Variants in ATP6V0A2 observed in about 807,000 individuals in gnomAD.
ATP6V0A2 encodes V-type proton ATPase 116 kDa subunit a 2.
A neutral mutation model predicts 104.4 loss-of-function variants in ATP6V0A2; 58 were observed. The observed-to-expected ratio is 0.56, with a 90% CI of 0.45 to 0.69. ATP6V0A2 has a LOEUF of 0.69. Ranked by LOEUF, ATP6V0A2 falls within the 30% of genes least tolerant of loss-of-function variation. The pLI is 0.00. For missense variants in ATP6V0A2, 938 were observed against 1,062.9 expected (o/e 0.88, Z 1.63); for synonymous variants, 376 against 397.9 (o/e 0.95, Z 0.65).
At chr12:123,719,672 G>T (rs796210825) in intron 2 of ATP6V0A2, among the ~76,000 whole-genome samples, 1 of 151,906 alleles carries the variant, frequency 6.6e-6, no homozygotes, top group Non-Finnish European at 1.5e-5. Context: ...TTCCCCCAAA[G>T]CTCTCCGTGC....
intron 6 of ATP6V0A2, chr12:123,730,859 A>C (rs1593896700): frequency 6.6e-6 from 1 of 152,278 alleles, no homozygotes; most frequent in East Asian, 1.9e-4. Flanking sequence ...GGTGCACACC[A>C]CCACTCCTGG....
At position 123,761,711 on chromosome 12, in the gene ATP6V0A2, A is replaced by C. The variant is rs1265223788; in HGVS notation, c.*3679A>C. 1 of 152,190 alleles carries C rather than the reference A, an allele frequency of 6.6e-6. No homozygotes were observed. The highest frequency in any genetic ancestry group is 1.5e-5 in the Non-Finnish European group (1 of 68,040). The allele number at this position is 152,190 out of a possible 1,614,324, so 9.4% of individuals were successfully genotyped here. A position where few individuals can be genotyped will look rare whatever the true frequency, so the allele number is the denominator to read the frequency against. On this transcript the variant is annotated 3_prime_UTR_variant, in exon 20 of 20. Transcript: ENST00000330342. ...AAATTTGCATCTTCTATCAGTATTT[A>C]ACTTCCTTTTGCTAATGACAAATAA... is the stretch of plus-strand genomic sequence containing the variant.
chr12:123,728,810 T>C (rs1452260875), intron 6 of ATP6V0A2, among the ~76,000 whole-genome samples: 2 of 151,282 alleles, frequency 1.3e-5, no homozygotes, highest in African/African-American at 4.9e-5. Context: ...CTTGATTAGT[T>C]CCATTACTGG....
chr12:123,731,791 C>G (rs1349684022), intron 6 of ATP6V0A2: 1 of 152,276 alleles, frequency 6.6e-6, no homozygotes, highest in African/African-American at 2.4e-5. Context: ...TGTATTCATT[C>G]TCCCAGCCAC....
At chr12:123,747,773 A>G in intron 14 of ATP6V0A2, 48 bp downstream of exon 14, 1 of 1,275,400 alleles carries the variant, frequency 7.8e-7, no homozygotes. Context: ...CAAACTTGGC[A>G]TTTCTTCAAT....
rs1956368424 is a variant in ATP6V0A2, at chr12:123,718,717, G to C, written c.196+16G>C. 6.3e-7 allele frequency: 1 copy of C among 1,579,728 alleles called. No individual in the cohort carries two copies. The highest frequency in any genetic ancestry group is 1.3e-5 in the African/African-American group (1 of 74,212). On this transcript the variant is annotated intron_variant, in intron 2 of 19. Coordinates refer to ENST00000330342, the MANE Select transcript of ATP6V0A2 (RefSeq NM_012463.4). Reference sequence around the variant, plus strand: ...CGAATATTGGGTAAGTTTATTTTCTGATTTAACAACTTAAATAATTACCTT... The same window carrying C: ...CGAATATTGGGTAAGTTTATTTTCTCATTTAACAACTTAAATAATTACCTT...
intron 3 of ATP6V0A2, chr12:123,723,651 G>A (rs887458515): frequency 5.9e-5 from 9 of 151,668 alleles, no homozygotes; most frequent in Non-Finnish European, 1.3e-4. Flanking sequence ...AGTAGAGATG[G>A]GGTTTTACCA....
intron 1 of ATP6V0A2, among the ~76,000 whole-genome samples, chr12:123,714,173 G>A (rs1956318999): frequency 6.6e-6 from 1 of 152,238 alleles, no homozygotes; most frequent in Non-Finnish European, 1.5e-5. Flanking sequence ...ACAGGTTTGA[G>A]CAAACGTACT....
rs1242956097 is a variant in ATP6V0A2 at position 123,760,974 on chromosome 12, T to C, written c.*2942T>C. ...TAGGCTGAAGTGCAGTGGTGCAGTCTCGGCTCACTGCAACCTCTGCCTCCT... is the reference window on the plus strand; with the variant it reads ...TAGGCTGAAGTGCAGTGGTGCAGTCCCGGCTCACTGCAACCTCTGCCTCCT... On this transcript the variant is annotated 3_prime_UTR_variant, in exon 20 of 20. Transcript: ENST00000330342. The C allele has an allele frequency of 6.6e-6, 1 of 152,272 alleles. No homozygotes were observed. The highest frequency in any genetic ancestry group is 1.9e-4 in the East Asian group (1 of 5,204). 9.4% of individuals were successfully genotyped at this position (152,272 alleles called of 1,614,324 possible). A position where few individuals can be genotyped will look rare whatever the true frequency, so the allele number is the denominator to read the frequency against.
At chr12:123,738,420 A>G (rs1191652965) in intron 9 of ATP6V0A2, among the ~76,000 whole-genome samples, 1 of 151,714 alleles carries the variant, frequency 6.6e-6, no homozygotes, top group African/African-American at 2.4e-5. Flanking sequence ...AGCGTTTTCA[A>G]TTTTCTTTTT....
rs1956823710 is a variant in ATP6V0A2, at chr12:123,761,479, A to G, written c.*3447A>G. 6.6e-6 allele frequency: 1 copy of G among 152,256 alleles called. No individual in the cohort carries two copies. The highest frequency in any genetic ancestry group is 6.5e-5 in the Admixed American group (1 of 15,280). 9.4% of individuals were successfully genotyped at this position (152,256 alleles called of 1,614,324 possible). ...TGGGAATAAGGCAGTTTGAACGAAC[A>G]GTCTTCCCACAGTCAGGCCATTTTT... On this transcript the variant is annotated 3_prime_UTR_variant, in exon 20 of 20. Coordinates refer to ENST00000330342, the MANE Select transcript of ATP6V0A2 (RefSeq NM_012463.4).
intron 2 of ATP6V0A2, among the ~76,000 whole-genome samples, chr12:123,721,910 T>C (rs1333971307): frequency 1.3e-5 from 2 of 152,226 alleles, no homozygotes; most frequent in Non-Finnish European, 2.9e-5. Context: ...CCAGCTCCCA[T>C]AGGGGCTATT....
At chr12:123,752,258 G>A in intron 16 of ATP6V0A2, 25 bp from the exon 17 acceptor site, 2 of 1,613,972 alleles carry the variant, frequency 1.2e-6, no homozygotes, top group Non-Finnish European at 1.7e-6. Context: ...TACAGGCACT[G>A]ACTCTGTGCT....
chr12:123,742,698 G>A (rs1170443384), intron 9 of ATP6V0A2, among the ~76,000 whole-genome samples: 3 of 151,978 alleles, frequency 2.0e-5, no homozygotes, highest in Admixed American at 6.6e-5. Flanking sequence ...CTAACCAGGC[G>A]TGGTGGTGTG....
chr12:123,736,367 T>C (rs1219142495), intron 8 of ATP6V0A2, among the ~76,000 whole-genome samples: 1 of 151,902 alleles, frequency 6.6e-6, no homozygotes, highest in African/African-American at 2.4e-5. Flanking sequence ...AATTTTTTTG[T>C]ATTTTTAGTA....
At chr12:123,719,658 A>G (rs1216532991) in intron 2 of ATP6V0A2, among the ~76,000 whole-genome samples, 2 of 151,748 alleles carry the variant, frequency 1.3e-5, no homozygotes, top group East Asian at 1.9e-4. Context: ...GGTACTGCCA[A>G]CACTTCCCCC....
At chr12:123,718,352 A>T (rs1234910366) in intron 1 of ATP6V0A2, among the ~76,000 whole-genome samples, 1 of 151,984 alleles carries the variant, frequency 6.6e-6, no homozygotes, top group Non-Finnish European at 1.5e-5. Context: ...ATCCTCCCAA[A>T]GTGCTGGGAT....
In ATP6V0A2 at chr12:123,719,066, C is replaced by T. The variant is rs200982466; in HGVS notation, c.196+365C>T. On this transcript the variant is annotated intron_variant, in intron 2 of 19. Coordinates refer to ENST00000330342, the MANE Select transcript of ATP6V0A2 (RefSeq NM_012463.4). ...ATTAATGTGCTGTGGCTTATTTAAC[C>T]GATCCCTTGTAGTTTATTATAACTT... Among the ~76,000 whole-genome samples the T allele has an allele frequency of 3.4e-4, 52 of 152,190 alleles. 2 individuals are homozygous for T. The South Asian group carries it at 7.7e-3, about 22-fold the overall frequency.
chr12:123,716,737 G>C (rs1956343435), intron 1 of ATP6V0A2, among the ~76,000 whole-genome samples: 1 of 151,418 alleles, frequency 6.6e-6, no homozygotes, highest in Non-Finnish European at 1.5e-5. Context: ...GTTGCAGTGA[G>C]CTGAGATTGC....
Sources: gnomAD v4.1 joint callset for allele counts (sites outside exome capture counted in the v4.1 genomes callset) on GRCh38, gnomAD v4.1.1 for gene constraint, MANE v1.5 for transcripts, NCBI Gene and HGNC (gene_info 2026-07-23, HGNC 2026-07-21) for gene names.